The following NUP210L variants were observed in gnomAD, a reference collection of about 807,000 sequenced individuals.
The protein encoded by NUP210L is nucleoporin 210 like, also known as nuclear pore membrane glycoprotein 210-like.
A neutral mutation model predicts 208.5 loss-of-function variants in NUP210L; 74 were observed. That is an observed-to-expected ratio of 0.35 (90% CI 0.29 to 0.43). The LOEUF (loss-of-function observed/expected upper bound fraction) is 0.43, where lower values mean the gene tolerates loss of function less well. Among genes scored for constraint, NUP210L ranks in the 20% least tolerant of loss-of-function variants. The probability of loss-of-function intolerance (pLI) is 1.00; values close to 1 mark genes in which losing one functional copy is unlikely to be tolerated. For missense variants in NUP210L, 1,843 were observed against 2,289.4 expected, an observed-to-expected ratio of 0.81 and a Z score of 3.98; for synonymous variants, 780 against 816.9, an observed-to-expected ratio of 0.95 and a Z score of 0.77.
chr1:154,056,728 G>A (rs371154366), intron 23 of NUP210L, 87 bp downstream of exon 23: 3 of 1,363,964 alleles, frequency 2.2e-6, no homozygotes. Context: ...CCAGTCAAAT[G>A]ATTTTTAACT....
chr1:154,104,180 G>A (rs547869716), exon 13 of NUP210L: 1 of 1,613,860 alleles, frequency 6.2e-7, no homozygotes, highest in African/African-American at 1.3e-5. Flanking sequence ...AATGGTAACA[G>A]TTCCATTTTG....
chr1:154,104,228 A>T lies in NUP210L; in HGVS notation c.1621-18T>A. 1.9e-6 allele frequency: 3 copies of T among 1,606,368 alleles called. No homozygotes were observed. In the South Asian group the frequency reaches 3.3e-5, roughly 18 times the overall value. On this transcript the variant is annotated intron_variant, in intron 12 of 39. Coordinates refer to ENST00000368559, the Ensembl canonical transcript of NUP210L. ...ACATGTATCTGGAGGGGAAAAATTCATCTTTCAAGAAAGTTATGTTAAAAA... is the reference window on the plus strand; with the variant it reads ...ACATGTATCTGGAGGGGAAAAATTCTTCTTTCAAGAAAGTTATGTTAAAAA...
intron 13 of NUP210L, among the ~76,000 whole-genome samples, chr1:154,101,554 C>T (rs1196419453): frequency 6.6e-6 from 1 of 152,082 alleles, no homozygotes; most frequent in Non-Finnish European, 1.5e-5. Context: ...GATATCTGTT[C>T]TTTCTATTGA....
chr1:154,085,423 A>C (rs1226803021), intron 16 of NUP210L, among the ~76,000 whole-genome samples: 1 of 152,106 alleles, frequency 6.6e-6, no homozygotes, highest in African/African-American at 2.4e-5. Flanking sequence ...CAAAATATTT[A>C]GGAATAAATC....
exon 39 of NUP210L, chr1:153,993,046 C>T (rs767333331): frequency 6.2e-7 from 1 of 1,613,650 alleles, no homozygotes; most frequent in Non-Finnish European, 8.5e-7. Flanking sequence ...TTGGTACATA[C>T]ACAACTGGAA....
intron 16 of NUP210L, 55 bp from the exon 17 acceptor site, chr1:154,070,520 G>T: frequency 4.3e-6 from 5 of 1,163,564 alleles, no homozygotes; most frequent in South Asian, 4.0e-5. Context: ...TAGCCTAAGG[G>T]GTAGTAAGAT....
exon 2 of NUP210L, chr1:154,152,759 C>T (rs768143453): frequency 6.2e-7 from 1 of 1,614,090 alleles, no homozygotes; most frequent in Admixed American, 1.7e-5. Context: ...AAGAATAATA[C>T]TGCTGAGGCG....
chr1:154,050,914 C>T (rs1361016729), intron 25 of NUP210L, among the ~76,000 whole-genome samples: 1 of 152,148 alleles, frequency 6.6e-6, no homozygotes, highest in Non-Finnish European at 1.5e-5. Flanking sequence ...GCTCAAAAAG[C>T]AGAGCTTGTA....
intron 2 of NUP210L, among the ~76,000 whole-genome samples, chr1:154,152,477 AT>A (rs11458686): frequency 0.014 from 1,984 of 139,332 alleles, 23 homozygotes; most frequent in Non-Finnish European, 0.019. Context: ...CCCAGCCATA[AT>A]TTTTTTTTTT....
intron 11 of NUP210L, among the ~76,000 whole-genome samples, chr1:154,118,374 A>C (rs1388114527): frequency 6.6e-6 from 1 of 152,204 alleles, no homozygotes; most frequent in Admixed American, 6.6e-5. Context: ...CTTAACAGGC[A>C]AGAGAAATAC....
rs181982119 is a variant in NUP210L, at chr1:154,151,878, C to T, written c.340+858G>A. Among the ~76,000 whole-genome samples, 206 of 151,742 alleles carry T rather than the reference C, an allele frequency of 1.4e-3. 3 individuals are homozygous for T. The East Asian group carries it at 0.031, about 23-fold the overall frequency. On this transcript the variant is annotated intron_variant, in intron 2 of 39. Coordinates refer to ENST00000368559, the Ensembl canonical transcript of NUP210L. ...CTGAGGCAGGTAGATCACCTGAGGT[C>T]GGGAGTTTGAGACCAGCCTGACCAA...
chr1:154,061,075 G>A (rs1206022859), intron 18 of NUP210L, 29 bp from the exon 19 acceptor site: 2 of 1,486,466 alleles, frequency 1.3e-6, no homozygotes, highest in Non-Finnish European at 9.4e-7. Flanking sequence ...CCACAAAAGT[G>A]AATATAAACA....
intron 15 of NUP210L, among the ~76,000 whole-genome samples, chr1:154,091,137 C>A (rs1655890716): frequency 6.7e-6 from 1 of 149,836 alleles, no homozygotes; most frequent in Admixed American, 6.7e-5. Flanking sequence ...ACTCTGTTGC[C>A]CAGGCTGGAG....
intron 2 of NUP210L, among the ~76,000 whole-genome samples, chr1:154,145,600 A>G (rs1380993800): frequency 6.6e-6 from 1 of 152,194 alleles, no homozygotes; most frequent in African/African-American, 2.4e-5. Context: ...CTTTATATAG[A>G]CAACAGAATT....
At chr1:154,017,772 T>A (rs1332515170) in intron 33 of NUP210L, among the ~76,000 whole-genome samples, 1 of 152,094 alleles carries the variant, frequency 6.6e-6, no homozygotes, top group Non-Finnish European at 1.5e-5. Flanking sequence ...TGCCTTGGCC[T>A]CCCAAGGTGC....
rs1274305678 is a variant in NUP210L at position 154,046,492 on chromosome 1, T to TA, written c.3484-124dup. The TA allele has an allele frequency of 5.2e-6, 4 of 776,592 alleles. No homozygotes were observed. In the East Asian group the frequency reaches 1.1e-4, roughly 21 times the overall value. 48.1% of individuals were successfully genotyped at this position (776,592 alleles called of 1,614,324 possible). A position where few individuals can be genotyped will look rare whatever the true frequency, so the allele number is the denominator to read the frequency against. On this transcript the variant is annotated intron_variant, in intron 25 of 39. Transcript: ENST00000368559. ...TTCAGTAAAAAACCTTGCCCATGCT[T>TA]ATTGCAGCACTATTCACAATAGCCA...
chr1:154,084,487 G>A (rs1164050131), intron 16 of NUP210L, among the ~76,000 whole-genome samples: 2 of 150,922 alleles, frequency 1.3e-5, no homozygotes, highest in Admixed American at 1.3e-4. Flanking sequence ...GCTGGGATTA[G>A]AAGCATGAGC....
At chr1:154,090,164 C>T (rs760901764) in intron 15 of NUP210L, among the ~76,000 whole-genome samples, 12 of 151,248 alleles carry the variant, frequency 7.9e-5, no homozygotes, top group Non-Finnish European at 1.5e-4. Context: ...GGATTGCTTG[C>T]GCCAAGGAGT....
chr1:154,085,511 A>G (rs1166683247), intron 16 of NUP210L, among the ~76,000 whole-genome samples: 1 of 152,064 alleles, frequency 6.6e-6, no homozygotes, highest in Non-Finnish European at 1.5e-5. Flanking sequence ...ACAGAAAGAC[A>G]TCCATGTTCA....
Sources: allele counts gnomAD v4.1 joint callset (sites outside exome capture counted in the v4.1 genomes callset), GRCh38; gene constraint gnomAD v4.1.1; transcripts MANE v1.5; gene names NCBI Gene and HGNC (gene_info 2026-07-23, HGNC 2026-07-21).